The following SVOP variants were observed in gnomAD, a reference collection of about 807,000 sequenced individuals.
SVOP encodes SV2 related protein, also known as synaptic vesicle 2-related protein.
SVOP carries 17 observed loss-of-function variants against 69.1 expected under a neutral mutation model. The ratio of observed to expected loss-of-function variants is 0.25; its 90% CI spans 0.17 to 0.37. SVOP has a LOEUF of 0.37. SVOP is among the 10% of genes least tolerant of loss of function. The probability of loss-of-function intolerance (pLI) is 1.00; values close to 1 mark genes in which losing one functional copy is unlikely to be tolerated. For missense variants in SVOP, 435 were observed against 597.5 expected, an observed-to-expected ratio of 0.73 and a Z score of 2.84; for synonymous variants, 238 against 238.6, an observed-to-expected ratio of 1.00 and a Z score of 0.02.
At position 109,017,785 on chromosome 12, in the gene SVOP, C is replaced by T. The variant is rs113075151; in HGVS notation, c.35+3049G>A. Among the ~76,000 whole-genome samples, 925 of 152,128 alleles carry T rather than the reference C, an allele frequency of 6.1e-3. 3 individuals carry two copies. The highest frequency in any genetic ancestry group is 0.021 in the African/African-American group (863 of 41,498). On this transcript the variant is annotated intron_variant, in intron 1 of 15. Coordinates refer to ENST00000610966, the MANE Select transcript of SVOP (RefSeq NM_018711.5). The stretch of plus-strand genomic sequence containing the variant: ...TCTCGAACTGCTGACCTCAAATGAT[C>T]CACCCACCTCGGTCTCCCAAAGTGC...
chr12:108,927,941 C>T (rs1412575259), intron 11 of SVOP, among the ~76,000 whole-genome samples: 10 of 148,826 alleles, frequency 6.7e-5, no homozygotes, highest in Middle Eastern at 3.5e-3. Context: ...AGTCTCATAC[C>T]ATCGCCCAGG....
At chr12:108,935,707 G>T (rs532818930) in intron 10 of SVOP, among the ~76,000 whole-genome samples, 5 of 152,294 alleles carry the variant, frequency 3.3e-5, no homozygotes, top group African/African-American at 1.2e-4. Context: ...AAAGCCTTAA[G>T]CCAGGCCAAT....
chr12:109,017,536 T>C (rs2040374086), intron 1 of SVOP, among the ~76,000 whole-genome samples: 1 of 152,102 alleles, frequency 6.6e-6, no homozygotes, highest in Non-Finnish European at 1.5e-5. Flanking sequence ...TTTTAAAATT[T>C]TACATTATAT....
chr12:108,959,693 CCAGA>C (rs1454854477), intron 6 of SVOP, among the ~76,000 whole-genome samples: 5 of 152,142 alleles, frequency 3.3e-5, no homozygotes, highest in Non-Finnish European at 5.9e-5. Flanking sequence ...AGCTGACCAA[CCAGA>C]CAATTAGCCT....
chr12:108,992,716 G>C (rs2040209049), intron 1 of SVOP, among the ~76,000 whole-genome samples: 1 of 152,188 alleles, frequency 6.6e-6, no homozygotes, highest in African/African-American at 2.4e-5. Flanking sequence ...AAGCAGATTA[G>C]TGGCTACCAG....
Position 108,915,670 on chromosome 12 carries a change from A to T in SVOP, c.1440+113T>A, listed in dbSNP as rs1342162376. On this transcript the variant is annotated intron_variant, in intron 15 of 15. Coordinates refer to ENST00000610966, the MANE Select transcript of SVOP (RefSeq NM_018711.5). The stretch of plus-strand genomic sequence containing the variant: ...CTGTCCTCGGGTGTGTTGTTATGAT[A>T]AAATGAGCGAATGCAACCCGAGGGC... 4 of 1,102,064 alleles carry T rather than the reference A, an allele frequency of 3.6e-6. No homozygotes were observed. In the Admixed American group the frequency reaches 1.1e-4, roughly 30 times the overall value. The allele number at this position is 1,102,064 out of a possible 1,614,324, so 68.3% of individuals were successfully genotyped here. A position where few individuals can be genotyped will look rare whatever the true frequency, so the allele number is the denominator to read the frequency against.
chr12:108,938,811 T>C lies in SVOP; in HGVS notation c.897+16A>G, dbSNP rs2039871484. ...CCGATACGCACATTGCAGAGTCTAT[T>C]GGTCCAGGCACTGACCTGTCTGGAG... On this transcript the variant is annotated intron_variant, in intron 9 of 15. Transcript: ENST00000610966. 2 of 1,613,934 alleles carry C rather than the reference T, an allele frequency of 1.2e-6. No individual in the cohort carries two copies. Among genetic ancestry groups the C allele is most frequent in the East Asian group, 4.5e-5 (2 of 44,880 alleles).
chr12:108,944,312 G>T (rs1228607486), intron 7 of SVOP, among the ~76,000 whole-genome samples: 1 of 152,140 alleles, frequency 6.6e-6, no homozygotes, highest in Non-Finnish European at 1.5e-5. Flanking sequence ...CAAAGTCCCA[G>T]ATGCATTTCA....
intron 9 of SVOP, among the ~76,000 whole-genome samples, chr12:108,938,415 G>A (rs1054658889): frequency 6.6e-6 from 1 of 152,268 alleles, no homozygotes; most frequent in Admixed American, 6.5e-5. Context: ...CCTACACAGG[G>A]TGCGGTTTGA....
chr12:109,013,399 T>C (rs1204506985), intron 1 of SVOP, among the ~76,000 whole-genome samples: 1 of 151,988 alleles, frequency 6.6e-6, no homozygotes, highest in African/African-American at 2.4e-5. Flanking sequence ...AACCTTTTTT[T>C]TTTTTTTCTG....
intron 12 of SVOP, 25 bp from the exon 13 acceptor site, chr12:108,919,811 G>A (rs1274676269): frequency 1.3e-6 from 2 of 1,503,290 alleles, no homozygotes; most frequent in African/African-American, 1.4e-5. Flanking sequence ...GGGAGAGATA[G>A]GCAGCTTCCG....
intron 2 of SVOP, 147 bp downstream of exon 2, chr12:108,983,454 G>A (rs943728927): frequency 0.15 from 59,352 of 397,412 alleles, 4,997 homozygotes; most frequent in African/African-American, 0.18. Context: ...AGTAAGCTAT[G>A]TAGGCTCAGC....
intron 4 of SVOP, 113 bp from the exon 5 acceptor site, chr12:108,972,589 A>T (rs766881992): frequency 2.7e-5 from 29 of 1,090,516 alleles, no homozygotes; most frequent in Non-Finnish European, 3.9e-5. Context: ...ATGATCTAAC[A>T]TTCACTGAGA....
intron 6 of SVOP, among the ~76,000 whole-genome samples, chr12:108,957,195 G>A (rs2039990170): frequency 6.6e-6 from 1 of 152,126 alleles, no homozygotes; most frequent in African/African-American, 2.4e-5. Flanking sequence ...ATGGAGTCTT[G>A]CTCTGTCGCC....
chr12:108,984,716 C>A (rs2040158242), intron 1 of SVOP, among the ~76,000 whole-genome samples: 1 of 152,122 alleles, frequency 6.6e-6, no homozygotes, highest in Non-Finnish European at 1.5e-5. Flanking sequence ...GCAGTAGTTT[C>A]TTCATCTGGG....
At chr12:108,929,670 T>C (rs921759869) in intron 11 of SVOP, among the ~76,000 whole-genome samples, 1 of 152,148 alleles carries the variant, frequency 6.6e-6, no homozygotes, top group Non-Finnish European at 1.5e-5. Flanking sequence ...TTAGTAATTT[T>C]CCATCCACTG....
intron 12 of SVOP, 92 bp downstream of exon 12, chr12:108,922,598 G>A: frequency 1.1e-6 from 1 of 886,950 alleles, no homozygotes; most frequent in Non-Finnish European, 1.8e-6. Flanking sequence ...AATGGGATTT[G>A]CTTCCAGGTA....
intron 5 of SVOP, among the ~76,000 whole-genome samples, chr12:108,970,305 T>C (rs1177437039): frequency 6.6e-6 from 1 of 152,222 alleles, no homozygotes; most frequent in Non-Finnish European, 1.5e-5. Context: ...GAGCAAACCA[T>C]GTGGTCCTGG....
At chr12:108,964,714 C>T (rs1456698390) in intron 5 of SVOP, among the ~76,000 whole-genome samples, 4 of 152,180 alleles carry the variant, frequency 2.6e-5, no homozygotes, top group Non-Finnish European at 5.9e-5. Flanking sequence ...AGACATGTCT[C>T]ACGGGCCTTT....
Sources: allele counts gnomAD v4.1 joint callset (sites outside exome capture counted in the v4.1 genomes callset), GRCh38; gene constraint gnomAD v4.1.1; transcripts MANE v1.5; gene names NCBI Gene and HGNC (gene_info 2026-07-23, HGNC 2026-07-21).